TENM4: variants seen among roughly 807,000 people sequenced by gnomAD.
The protein encoded by TENM4 is teneurin-4.
TENM4 carries 82 observed loss-of-function variants against 243.3 expected under a neutral mutation model. The ratio of observed to expected loss-of-function variants is 0.34; its 90% CI spans 0.28 to 0.40. The LOEUF is 0.40. Ranked by LOEUF, TENM4 falls within the 10% of genes least tolerant of loss-of-function variation. The pLI is 1.00. For missense variants in TENM4, 3,138 were observed against 3,673.3 expected (o/e 0.85, Z 3.77); for synonymous variants, 1,412 against 1,456.3 (o/e 0.97, Z 0.69).
At chr11:79,098,218 C>T (rs927732277) in intron 4 of TENM4, among the ~76,000 whole-genome samples, 4 of 103,600 alleles carry the variant, frequency 3.9e-5, no homozygotes, top group Admixed American at 8.7e-5. Flanking sequence ...TTGTGTCTCC[C>T]CCACCCCCCC....
intron 6 of TENM4, among the ~76,000 whole-genome samples, chr11:78,907,022 G>A (rs910038084): frequency 2.0e-5 from 3 of 152,240 alleles, no homozygotes; most frequent in East Asian, 3.9e-4. Context: ...TCACTTATTT[G>A]CCTGGAGCCA....
chr11:79,201,578 G>A (rs145509471), intron 3 of TENM4, among the ~76,000 whole-genome samples: 26 of 152,088 alleles, frequency 1.7e-4, no homozygotes, highest in African/African-American at 6.3e-4. Flanking sequence ...CCATAAGTCA[G>A]AAGCTCTGTT....
intron 9 of TENM4, among the ~76,000 whole-genome samples, chr11:78,876,681 G>C (rs982703269): frequency 6.7e-6 from 1 of 148,684 alleles, no homozygotes; most frequent in African/African-American, 2.6e-5. Flanking sequence ...TACACATCTG[G>C]CTGTCCAAGA....
chr11:78,773,060 TTTC>T (rs1856672560), intron 17 of TENM4, among the ~76,000 whole-genome samples: 1 of 152,240 alleles, frequency 6.6e-6, no homozygotes, highest in Admixed American at 6.5e-5. Flanking sequence ...CAATCACAGC[TTTC>T]TTTTTTCCTC....
chr11:79,366,561 C>CT (rs1157890697), intron 1 of TENM4, among the ~76,000 whole-genome samples: 4 of 152,180 alleles, frequency 2.6e-5, no homozygotes, highest in South Asian at 2.1e-4. Flanking sequence ...GATCTCTCTG[C>CT]TTCAGGAGCA....
chr11:79,227,245 C>T (rs886798988), intron 2 of TENM4, among the ~76,000 whole-genome samples: 4 of 152,320 alleles, frequency 2.6e-5, no homozygotes, highest in Non-Finnish European at 5.9e-5. Flanking sequence ...GGAACTATCA[C>T]CTCCTCTTAT....
intron 6 of TENM4, among the ~76,000 whole-genome samples, chr11:79,030,917 C>G (rs556242418): frequency 1.1e-3 from 170 of 152,182 alleles, no homozygotes; most frequent in African/African-American, 4.0e-3. Context: ...CAGAGAGACC[C>G]AGGAGACAGA....
intron 3 of TENM4, among the ~76,000 whole-genome samples, chr11:79,200,421 G>A (rs1156672871): frequency 2.0e-5 from 3 of 152,184 alleles, no homozygotes; most frequent in Admixed American, 6.5e-5. Context: ...TGTCCCCCAG[G>A]ACATGCCATA....
At chr11:79,347,571 CTGTT>C (rs1857345611) in intron 1 of TENM4, among the ~76,000 whole-genome samples, 1 of 152,140 alleles carries the variant, frequency 6.6e-6, no homozygotes. Flanking sequence ...TGGTATTACA[CTGTT>C]TGCAGTAGGG....
At chr11:79,143,376 G>A (rs567988957) in intron 4 of TENM4, among the ~76,000 whole-genome samples, 1 of 152,180 alleles carries the variant, frequency 6.6e-6, no homozygotes, top group East Asian at 1.9e-4. Context: ...GTCCTTTGTA[G>A]GGACATGGAT....
At chr11:79,300,754 G>A (rs557534142) in intron 1 of TENM4, among the ~76,000 whole-genome samples, 3 of 152,228 alleles carry the variant, frequency 2.0e-5, no homozygotes, top group South Asian at 2.1e-4. Context: ...TTGCATGTTC[G>A]TTATGCTTTA....
intron 15 of TENM4, among the ~76,000 whole-genome samples, chr11:78,804,811 C>T (rs1177561713): frequency 6.6e-6 from 1 of 152,156 alleles, no homozygotes; most frequent in Admixed American, 6.5e-5. Flanking sequence ...GAGCATTTGG[C>T]TAGAAGGGCA....
At chr11:78,886,766 C>G (rs1044025968) in intron 9 of TENM4, among the ~76,000 whole-genome samples, 1 of 152,192 alleles carries the variant, frequency 6.6e-6, no homozygotes, top group African/African-American at 2.4e-5. Flanking sequence ...TATATGAGCC[C>G]TAGCATCCAG....
intron 1 of TENM4, among the ~76,000 whole-genome samples, chr11:79,302,763 A>G (rs1414252315): frequency 6.6e-6 from 1 of 152,168 alleles, no homozygotes; most frequent in Non-Finnish European, 1.5e-5. Flanking sequence ...ACTTTCCTAT[A>G]GGGTCTCCAG....
chr11:79,215,964 C>A (rs1864045071), intron 2 of TENM4, 55 bp from the exon 3 acceptor site: 1 of 602,522 alleles, frequency 1.7e-6, no homozygotes, highest in African/African-American at 2.0e-5. Context: ...ATGCCCCAAT[C>A]CTTTCTCACA....
chr11:78,873,616 G>A (rs1300501310), intron 9 of TENM4, among the ~76,000 whole-genome samples: 1 of 152,062 alleles, frequency 6.6e-6, no homozygotes, highest in African/African-American at 2.4e-5. Context: ...TGTCAAAAAT[G>A]GAAAACAAAA....
At chr11:79,246,659 A>G (rs747042218) in intron 2 of TENM4, among the ~76,000 whole-genome samples, 3 of 152,224 alleles carry the variant, frequency 2.0e-5, no homozygotes, top group Non-Finnish European at 1.5e-5. Context: ...GGTCAGATAC[A>G]GAGAGATATG....
At chr11:79,109,583 A>G (rs1364768671) in intron 4 of TENM4, among the ~76,000 whole-genome samples, 3 of 152,212 alleles carry the variant, frequency 2.0e-5, no homozygotes, top group Admixed American at 6.5e-5. Flanking sequence ...ATCCCAGCCC[A>G]CGCAAGCGAG....
At chr11:78,707,521 C>A (rs1206663356) in intron 27 of TENM4, among the ~76,000 whole-genome samples, 1 of 152,258 alleles carries the variant, frequency 6.6e-6, no homozygotes, top group Non-Finnish European at 1.5e-5. Context: ...CACCTGCTTC[C>A]AAGCACCCTA....
Sources: gnomAD v4.1 joint callset for allele counts (sites outside exome capture counted in the v4.1 genomes callset) on GRCh38, gnomAD v4.1.1 for gene constraint, MANE v1.5 for transcripts, NCBI Gene and HGNC (gene_info 2026-07-23, HGNC 2026-07-21) for gene names.